Variants in UBASH3A observed in about 807,000 individuals in gnomAD.
The protein encoded by UBASH3A is ubiquitin-associated and SH3 domain-containing protein A.
In UBASH3A, 63 loss-of-function variants were observed where a neutral mutation model predicts 73.5. The observed-to-expected ratio is 0.86, with a 90% CI of 0.70 to 1.06. UBASH3A has a LOEUF of 1.06. Ranked by LOEUF, UBASH3A falls within the 50% of genes least tolerant of loss-of-function variation. UBASH3A has a pLI of 0.00. For missense variants in UBASH3A, 860 were observed against 859.0 expected (o/e 1.00, Z -0.02); for synonymous variants, 363 against 351.1 (o/e 1.03, Z -0.38).
rs2053765950 is a variant in UBASH3A, at chr21:42,442,546, G to A, written c.1581G>A (p.Met527Ile). 6.2e-7 allele frequency: 1 copy of A among 1,614,038 alleles called. No individual in the cohort carries two copies. The highest frequency in any genetic ancestry group is 8.5e-7 in the Non-Finnish European group (1 of 1,180,034). ...CTGGCAAAACCACCCCAACCCTCAT[G>A]AGCCTGGAAGAGCTGAAAGAGGCAA... ...WEAGKTTPTL[M>I]SLEELKEANF... The change falls in exon 12 of 15, where the codon ATG (methionine) becomes ATA (isoleucine). Residue 527 changes from methionine to isoleucine, a missense_variant. By Grantham distance (10) the Met-to-Ile change is conservative. Coordinates refer to ENST00000319294, the MANE Select transcript of UBASH3A (RefSeq NM_018961.4).
chr21:42,413,203 G>A lies in UBASH3A; in HGVS notation c.534G>A (p.Thr178=), dbSNP rs747516716. ...GGGAATTCGCCATGACCTTCGCCAC[G>A]GAAGCATCTCTCTTAGCAGGTGGGC... ...VIREFAMTFA[T]EASLLAGTSV... Residue 178 remains threonine, a synonymous_variant, in exon 4 of 15, where the codon ACG becomes ACA. Coordinates refer to ENST00000319294, the MANE Select transcript of UBASH3A (RefSeq NM_018961.4). This position sits in a 1 kb window ranked among gnomAD's most constrained non-coding sequence, Gnocchi z 4.5. The A allele has an allele frequency of 3.8e-5, 61 of 1,614,050 alleles. No homozygotes were observed. In the East Asian group the frequency reaches 4.2e-4, roughly 11 times the overall value.
chr21:42,445,387 T>C (rs1212585902), intron 14 of UBASH3A, among the ~76,000 whole-genome samples: 2 of 152,226 alleles, frequency 1.3e-5, no homozygotes, highest in South Asian at 2.1e-4. Flanking sequence ...ATGCCTGTCA[T>C]CGGAGGTGCT....
At chr21:42,405,992 G>C (rs9981980) in intron 1 of UBASH3A, among the ~76,000 whole-genome samples, 5 of 137,340 alleles carry the variant, frequency 3.6e-5, no homozygotes, top group Middle Eastern at 3.6e-3. Flanking sequence ...GTGGGGGGGG[G>C]GGGGGCAGGC....
At chr21:42,406,025 G>A (rs866803126) in intron 1 of UBASH3A, among the ~76,000 whole-genome samples, 4 of 151,594 alleles carry the variant, frequency 2.6e-5, no homozygotes, top group Admixed American at 6.6e-5. Context: ...TTGCAGGAGC[G>A]GGCGGAGGTC....
intron 9 of UBASH3A, among the ~76,000 whole-genome samples, 191 bp from the exon 10 acceptor site, chr21:42,434,639 TTG>T (rs1442351226): frequency 6.6e-6 from 1 of 152,246 alleles, no homozygotes; most frequent in East Asian, 1.9e-4. Flanking sequence ...TGAGAAAATG[TTG>T]TGTGCACAGC....
At chr21:42,445,854 C>G (rs768217617) in intron 14 of UBASH3A, among the ~76,000 whole-genome samples, 1 of 152,188 alleles carries the variant, frequency 6.6e-6, no homozygotes, top group African/African-American at 2.4e-5. Context: ...CTCAACCCCC[C>G]TGGGCCACAC....
chr21:42,431,357 G>A (rs2053525989), intron 8 of UBASH3A, among the ~76,000 whole-genome samples: 1 of 152,246 alleles, frequency 6.6e-6, no homozygotes, highest in South Asian at 2.1e-4. Context: ...AAGAGGGCGG[G>A]CGTGAGCCCT....
In UBASH3A at chr21:42,443,344, C is replaced by T. The variant is rs201641790; in HGVS notation, c.1664C>T (p.Ala555Val). 1 of 1,613,522 alleles carries T rather than the reference C, an allele frequency of 6.2e-7. No individual in the cohort carries two copies. Among genetic ancestry groups the T allele is most frequent in the East Asian group, 2.2e-5 (1 of 44,858 alleles). The change falls in exon 13 of 15, where the codon GCC becomes GTC. Residue 555 changes from alanine (A) to valine (V), a missense_variant. By Grantham distance (64) the Ala-to-Val change is moderately conservative. Coordinates refer to ENST00000319294, the MANE Select transcript of UBASH3A (RefSeq NM_018961.4). ...TTTCCCCTGTCCGCCCTCATGCCGG[C>T]CGAGAGCTACCAGGAGTACATGGAC... is the stretch of plus-strand genomic sequence containing the variant. ...PAFPLSALMP[A>V]ESYQEYMDRC...
chr21:42,405,983 T>TGG (rs71190422), intron 1 of UBASH3A, among the ~76,000 whole-genome samples: 8 of 60,690 alleles, frequency 1.3e-4, no homozygotes, highest in African/African-American at 4.6e-4. Flanking sequence ...ATCTAGGCAG[T>TGG]GGGGGGGGGG....
intron 3 of UBASH3A, among the ~76,000 whole-genome samples, chr21:42,412,172 C>G (rs376250887): frequency 1.9e-3 from 283 of 152,288 alleles, no homozygotes; most frequent in African/African-American, 6.7e-3. Context: ...GGGCGGTAGG[C>G]AACACCGAGC....
intron 5 of UBASH3A, among the ~76,000 whole-genome samples, chr21:42,416,043 T>G (rs146395023): frequency 6.6e-6 from 1 of 152,302 alleles, no homozygotes; most frequent in East Asian, 1.9e-4. Flanking sequence ...TTTATAGTTT[T>G]GTTGCCTAAA....
In UBASH3A at chr21:42,410,181, C is replaced by A. The variant is rs1286579382; in HGVS notation, c.354+573C>A. ...TAGCTCCACAGCAAAACACAATGGCCCAGCAGGCAGCTCTACAGGGGCACC... is the reference window on the plus strand; with the variant it reads ...TAGCTCCACAGCAAAACACAATGGCACAGCAGGCAGCTCTACAGGGGCACC... On this transcript the variant is annotated intron_variant, in intron 3 of 14. Coordinates refer to ENST00000319294, the MANE Select transcript of UBASH3A (RefSeq NM_018961.4). The A allele has an allele frequency of 1.0e-5, 7 of 701,400 alleles. No individual in the cohort carries two copies. The African/African-American group carries it at 1.2e-4, about 12-fold the overall frequency. The allele number at this position is 701,400 out of a possible 1,614,324, so 43.4% of individuals were successfully genotyped here. A position where few individuals can be genotyped will look rare whatever the true frequency, so the allele number is the denominator to read the frequency against.
Position 42,416,347 on chromosome 21 carries a change from G to C in UBASH3A, c.668-95G>C. On this transcript the variant is annotated intron_variant, in intron 5 of 14. Coordinates refer to ENST00000319294, the MANE Select transcript of UBASH3A (RefSeq NM_018961.4). ...GGGCCAAATGAGCTCTGAGTTCTGAGAGCCCTTGCCTTGTGGAGGAAGCAT... is the reference window on the plus strand; with the variant it reads ...GGGCCAAATGAGCTCTGAGTTCTGACAGCCCTTGCCTTGTGGAGGAAGCAT... The C allele has an allele frequency of 3.7e-6, 5 of 1,333,648 alleles. No homozygotes were observed. In the South Asian group the frequency reaches 6.5e-5, roughly 17 times the overall value. The allele number at this position is 1,333,648 out of a possible 1,614,324, so 82.6% of individuals were successfully genotyped here. A position where few individuals can be genotyped will look rare whatever the true frequency, so the allele number is the denominator to read the frequency against.
rs755245793 is a variant in UBASH3A, at chr21:42,416,569, C to G, written c.795C>G (p.Thr265=). 2.1e-5 allele frequency: 33 copies of G among 1,607,922 alleles called. No homozygotes were observed. Among genetic ancestry groups the G allele is most frequent in the Non-Finnish European group, 2.7e-5 (32 of 1,177,498 alleles). Residue 265 remains threonine, a synonymous_variant, in exon 6 of 15, where the codon ACC becomes ACG. Transcript: ENST00000319294. ...CCCTGGGCCACAGCTGCCAGTGGAC[C>G]GCAGCACTCTACTCCCGAGACATGC... ...AIPLGHSCQW[T]AALYSRDMRF...
intron 3 of UBASH3A, among the ~76,000 whole-genome samples, chr21:42,411,948 A>C (rs2053106922): frequency 6.6e-6 from 1 of 152,194 alleles, no homozygotes; most frequent in Non-Finnish European, 1.5e-5. Context: ...CGGCCTGTCC[A>C]TGGGGAGACG....
chr21:42,434,342 G>A (rs574796936), intron 9 of UBASH3A, among the ~76,000 whole-genome samples: 1 of 74,050 alleles, frequency 1.4e-5, no homozygotes, highest in African/African-American at 4.6e-5. Flanking sequence ...GACAGTCCCA[G>A]TGAGCCCACT....
At position 42,416,606 on chromosome 21, in the gene UBASH3A, T is replaced by C; in HGVS notation, c.832T>C (p.Tyr278His). 1 of 1,578,368 alleles carries C rather than the reference T, an allele frequency of 6.3e-7. No individual in the cohort carries two copies. Among genetic ancestry groups the C allele is most frequent in the Non-Finnish European group, 8.6e-7 (1 of 1,162,452 alleles). The change falls in exon 6 of 15, where the codon TAC (tyrosine) becomes CAC (histidine). Residue 278 changes from tyrosine (Y) to histidine (H), a missense_variant. Transcript: ENST00000319294. ...LYSRDMRFVH[Y>H]QTLRALFQYK... is the part of the protein sequence containing the mutation. ...CTCCCGAGACATGCGCTTTGTGCAC[T>C]ACCAGGTGAGAGAGCTGAGCAGGGG...
intron 7 of UBASH3A, among the ~76,000 whole-genome samples, chr21:42,424,720 CT>C (rs1306105470): frequency 6.6e-6 from 1 of 152,204 alleles, no homozygotes; most frequent in Non-Finnish European, 1.5e-5. Flanking sequence ...CAATTAAGGG[CT>C]AAATTGCATT....
At chr21:42,438,754 T>C (rs989266220) in intron 11 of UBASH3A, among the ~76,000 whole-genome samples, 3 of 151,832 alleles carry the variant, frequency 2.0e-5, no homozygotes, top group Non-Finnish European at 2.9e-5. Context: ...AGGGGGCTGC[T>C]TGGAGACAGC....
Sources: gnomAD v4.1 joint callset for allele counts (sites outside exome capture counted in the v4.1 genomes callset) on GRCh38, gnomAD v4.1.1 for gene constraint, Gnocchi (gnomAD v3.1) non-coding constraint, MANE v1.5 for transcripts, NCBI Gene and HGNC (gene_info 2026-07-23, HGNC 2026-07-21) for gene names.